Variants in CCNYL1 observed in about 807,000 individuals in gnomAD.
CCNYL1 encodes the protein cyclin-Y-like protein 1.
A neutral mutation model predicts 44.2 loss-of-function variants in CCNYL1; 16 were observed. The ratio of observed to expected loss-of-function variants is 0.36; its 90% CI spans 0.25 to 0.55. The LOEUF is 0.55. CCNYL1 is among the 20% of genes least tolerant of loss of function. The probability of loss-of-function intolerance (pLI) is 0.85; values close to 1 mark genes in which losing one functional copy is unlikely to be tolerated. For missense variants in CCNYL1, 348 were observed against 451.8 expected (o/e 0.77, Z 2.08); for synonymous variants, 159 against 163.2 (o/e 0.97, Z 0.20).
intron 7 of CCNYL1, among the ~76,000 whole-genome samples, chr2:207,746,295 T>C (rs944891498): frequency 6.6e-6 from 1 of 152,176 alleles, no homozygotes; most frequent in Non-Finnish European, 1.5e-5. Flanking sequence ...GGTTAGTTAC[T>C]GTGAAAAGGA....
At position 207,751,050 on chromosome 2, in the gene CCNYL1, C is replaced by T. The variant is rs770141134; in HGVS notation, c.900C>T (p.Ser300=). The change falls in exon 9 of 10, where the codon TCC becomes TCT. Residue 300 remains serine, a synonymous_variant. Transcript: ENST00000295414. The part of the protein sequence containing the change: ...VYAKYYFDLR[S]LADDNNLNFL... The stretch of plus-strand genomic sequence containing the variant: ...CCAAATACTACTTTGACCTTCGCTC[C>T]TTAGCAGATGACAACAACCTGAATT... 1.2e-6 allele frequency: 2 copies of T among 1,614,086 alleles called. No homozygotes were observed. Among genetic ancestry groups the T allele is most frequent in the Admixed American group, 1.7e-5 (1 of 60,024 alleles).
At chr2:207,713,757 G>A (rs2091571453) in intron 1 of CCNYL1, among the ~76,000 whole-genome samples, 1 of 152,140 alleles carries the variant, frequency 6.6e-6, no homozygotes, top group South Asian at 2.1e-4. Flanking sequence ...TTGTAACTAG[G>A]AACTACTTTA....
intron 2 of CCNYL1, among the ~76,000 whole-genome samples, chr2:207,725,744 C>T (rs952658009): frequency 1.3e-5 from 2 of 152,190 alleles, no homozygotes; most frequent in South Asian, 2.1e-4. Flanking sequence ...GTGAAACTTA[C>T]GTACATTTTC....
chr2:207,746,903 G>A, intron 7 of CCNYL1, 144 bp from the exon 8 acceptor site: 1 of 582,350 alleles, frequency 1.7e-6, no homozygotes, highest in Non-Finnish European at 2.9e-6. Context: ...TTGAACCTGG[G>A]AGGCGGAGGT....
At chr2:207,718,833 G>A (rs1303820931) in intron 1 of CCNYL1, among the ~76,000 whole-genome samples, 1 of 152,132 alleles carries the variant, frequency 6.6e-6, no homozygotes, top group South Asian at 2.1e-4. Context: ...TATCCTGAAG[G>A]CATACCCCAT....
chr2:207,750,886 G>A, intron 8 of CCNYL1, 71 bp from the exon 9 acceptor site: 1 of 1,335,860 alleles, frequency 7.5e-7, no homozygotes. Context: ...CTCTTAGAAT[G>A]ATATTTTTGA....
At chr2:207,715,618 G>A (rs1268952988) in intron 1 of CCNYL1, among the ~76,000 whole-genome samples, 12 of 151,264 alleles carry the variant, frequency 7.9e-5, no homozygotes, top group East Asian at 3.9e-4. Context: ...GACCTCAAGC[G>A]ATCCAGCTGC....
chr2:207,714,399 C>G (rs755755066), intron 1 of CCNYL1: 13 of 415,878 alleles, frequency 3.1e-5, no homozygotes, highest in South Asian at 2.3e-4. Context: ...TGGGCTCAAG[C>G]AGTCCTCCCA....
At chr2:207,729,277 C>T (rs1200035560) in intron 3 of CCNYL1, among the ~76,000 whole-genome samples, 7 of 113,944 alleles carry the variant, frequency 6.1e-5, no homozygotes, top group Non-Finnish European at 1.0e-4. Context: ...CCCCACCCCC[C>T]CCACCCCCCC....
rs1487663226 is a variant in CCNYL1, at chr2:207,742,394, G to C, written c.639+52G>C. ...TCTTTAGAAATTAGTCTTGTACACA[G>C]GGTATGGTCCTATTTTTCAAATAAA... is the stretch of plus-strand genomic sequence containing the variant. On this transcript the variant is annotated intron_variant, in intron 7 of 9. Transcript: ENST00000295414. 4 of 1,509,980 alleles carry C rather than the reference G, an allele frequency of 2.6e-6. No individual in the cohort carries two copies. The Admixed American group carries it at 6.2e-5, about 24-fold the overall frequency. 93.5% of individuals were successfully genotyped at this position (1,509,980 alleles called of 1,614,324 possible). A position where few individuals can be genotyped will look rare whatever the true frequency, so the allele number is the denominator to read the frequency against.
In CCNYL1 at chr2:207,727,531, T is replaced by G. The variant is rs561517994; in HGVS notation, c.330+655T>G. On this transcript the variant is annotated intron_variant, in intron 3 of 9. Coordinates refer to ENST00000295414, the MANE Select transcript of CCNYL1 (RefSeq NM_001330218.2). ...GGTCTCCTTGCTTTCATGTCTTTTT[T>G]TTTGTGTGTGTGGAATTAATTTCCT... Among the ~76,000 whole-genome samples the G allele has an allele frequency of 1.2e-4, 18 of 152,268 alleles. 1 individual carries two copies. The highest frequency in any genetic ancestry group is 7.7e-4 in the East Asian group (4 of 5,176).
chr2:207,729,186 T>C (rs77927260), intron 3 of CCNYL1, among the ~76,000 whole-genome samples: 2,139 of 151,350 alleles, frequency 0.014, 48 homozygotes, highest in African/African-American at 0.05. Context: ...TTTCCTGATA[T>C]TCTTACTATT....
intron 1 of CCNYL1, among the ~76,000 whole-genome samples, chr2:207,719,983 A>G (rs1003705707): frequency 4.6e-5 from 7 of 151,958 alleles, no homozygotes; most frequent in African/African-American, 1.7e-4. Flanking sequence ...AGGTCAGGAG[A>G]TGGAGACCAT....
At chr2:207,747,536 A>G (rs980834779) in intron 8 of CCNYL1, among the ~76,000 whole-genome samples, 3 of 152,072 alleles carry the variant, frequency 2.0e-5, no homozygotes, top group African/African-American at 7.3e-5. Flanking sequence ...TAGCACAGTA[A>G]ATATCTTTAT....
At chr2:207,745,563 A>AT (rs1233556449) in intron 7 of CCNYL1, among the ~76,000 whole-genome samples, 1 of 152,252 alleles carries the variant, frequency 6.6e-6, no homozygotes, top group African/African-American at 2.4e-5. Flanking sequence ...TTCAATATCC[A>AT]TTTTTGAAAA....
In CCNYL1 at chr2:207,744,092, T is replaced by C. The variant is rs56902014; in HGVS notation, c.639+1750T>C. ...AGGGATACAGAGTGACAGGAGGGGC[T>C]CACTATTTTAGATAGAATGATCAGG... On this transcript the variant is annotated intron_variant, in intron 7 of 9. Coordinates refer to ENST00000295414, the MANE Select transcript of CCNYL1 (RefSeq NM_001330218.2). 0.024 allele frequency among the ~76,000 whole-genome samples: 3,643 copies of C among 152,176 alleles called. 357 individuals are homozygous for C. In the East Asian group the frequency reaches 0.33, roughly 14 times the overall value.
chr2:207,720,829 CA>C, intron 1 of CCNYL1, among the ~76,000 whole-genome samples: 1 of 152,284 alleles, frequency 6.6e-6, no homozygotes, highest in East Asian at 1.9e-4. Flanking sequence ...ATCACTAAAA[CA>C]TAGATTGAGG....
intron 3 of CCNYL1, among the ~76,000 whole-genome samples, chr2:207,731,870 T>C (rs928756434): frequency 4.1e-5 from 6 of 146,994 alleles, no homozygotes; most frequent in African/African-American, 1.5e-4. Context: ...AGTGCAGTGG[T>C]GCAATCTTGG....
chr2:207,725,649 C>T (rs184211145), intron 2 of CCNYL1, among the ~76,000 whole-genome samples: 1 of 152,312 alleles, frequency 6.6e-6, no homozygotes, highest in East Asian at 1.9e-4. Flanking sequence ...CTACTCAGAA[C>T]TTTTAAGCTA....
Sources: allele counts gnomAD v4.1 joint callset (sites outside exome capture counted in the v4.1 genomes callset), GRCh38; gene constraint gnomAD v4.1.1; transcripts MANE v1.5; gene names NCBI Gene and HGNC (gene_info 2026-07-23, HGNC 2026-07-21).